Variants in PIK3C2G observed in about 807,000 individuals in gnomAD.
The protein encoded by PIK3C2G is phosphatidylinositol 3-kinase C2 domain-containing subunit gamma.
A neutral mutation model predicts 181.1 loss-of-function variants in PIK3C2G; 168 were observed. The ratio of observed to expected loss-of-function variants is 0.93; its 90% CI spans 0.82 to 1.05. PIK3C2G has a LOEUF of 1.05. PIK3C2G is among the 50% of genes least tolerant of loss of function. PIK3C2G has a pLI of 0.00. For synonymous variants in PIK3C2G, 573 were observed against 592.2 expected, an observed-to-expected ratio of 0.97 and a Z score of 0.47; for missense variants, 1,869 against 1,732.8, an observed-to-expected ratio of 1.08 and a Z score of -1.40.
intron 27 of PIK3C2G, among the ~76,000 whole-genome samples, chr12:18,563,151 A>C (rs1202512945): frequency 6.6e-6 from 1 of 152,198 alleles, no homozygotes; most frequent in Non-Finnish European, 1.5e-5. Flanking sequence ...TAAAATGTCC[A>C]CAAGAACAGC....
the PIK3C2G span, among the ~76,000 whole-genome samples, chr12:18,658,059 A>C: frequency 3.9e-5 from 6 of 152,168 alleles, no homozygotes; most frequent in Non-Finnish European, 5.9e-5. Context: ...GAAATGAAAA[A>C]TTCACAAAAG....
intron 31 of PIK3C2G, among the ~76,000 whole-genome samples, chr12:18,639,049 T>C (rs1166954108): frequency 6.6e-6 from 1 of 151,472 alleles, no homozygotes; most frequent in Non-Finnish European, 1.5e-5. Flanking sequence ...ATTTCAGTGC[T>C]CCCCCTCCTG....
chr12:18,633,538 G>T (rs1949451175), intron 31 of PIK3C2G, among the ~76,000 whole-genome samples: 1 of 152,172 alleles, frequency 6.6e-6, no homozygotes, highest in Admixed American at 6.5e-5. Context: ...GGCCGTTAGT[G>T]ATCCTGCCTG....
At chr12:18,552,436 A>C (rs1392520794) in intron 26 of PIK3C2G, among the ~76,000 whole-genome samples, 1 of 152,118 alleles carries the variant, frequency 6.6e-6, no homozygotes, top group African/African-American at 2.4e-5. Flanking sequence ...CTGTGGTTAC[A>C]ATTCCACAAA....
intron 16 of PIK3C2G, among the ~76,000 whole-genome samples, chr12:18,404,693 T>C (rs1310015386): frequency 2.0e-5 from 3 of 152,110 alleles, no homozygotes; most frequent in African/African-American, 4.8e-5. Context: ...TAGAAGAGAA[T>C]TGTATCAGGA....
intron 7 of PIK3C2G, among the ~76,000 whole-genome samples, chr12:18,323,968 C>G (rs954886149): frequency 6.6e-5 from 10 of 152,102 alleles, no homozygotes; most frequent in African/African-American, 1.4e-4. Context: ...CGCCTGTAAT[C>G]CCAGCACTTT....
chr12:18,675,331 A>T, the PIK3C2G span, among the ~76,000 whole-genome samples: 2 of 152,254 alleles, frequency 1.3e-5, no homozygotes, highest in East Asian at 3.9e-4. Flanking sequence ...AAAGTTTTAT[A>T]ACCATTATAG....
At chr12:18,364,022 G>A (rs1174880734) in intron 12 of PIK3C2G, among the ~76,000 whole-genome samples, 2 of 152,004 alleles carry the variant, frequency 1.3e-5, no homozygotes, top group Non-Finnish European at 2.9e-5. Context: ...AAATTTTTCA[G>A]TAGCTCTCCA....
chr12:18,335,972 C>A (rs1461556124), intron 8 of PIK3C2G, among the ~76,000 whole-genome samples: 1 of 151,890 alleles, frequency 6.6e-6, no homozygotes, highest in African/African-American at 2.4e-5. Context: ...TTTTCACAAA[C>A]CCATGTATCA....
At chr12:18,590,427 T>G (rs1159960234) in intron 29 of PIK3C2G, among the ~76,000 whole-genome samples, 1 of 151,928 alleles carries the variant, frequency 6.6e-6, no homozygotes, top group Non-Finnish European at 1.5e-5. Flanking sequence ...CCCTCTGTTT[T>G]TATTACTCTA....
At chr12:18,484,399 A>G (rs556082513) in intron 18 of PIK3C2G, among the ~76,000 whole-genome samples, 39 of 152,298 alleles carry the variant, frequency 2.6e-4, no homozygotes, top group Non-Finnish European at 4.3e-4. Context: ...CTCCTCTCAT[A>G]TATTTAAGTG....
In PIK3C2G at chr12:18,628,221, A is replaced by G. The variant is rs897201222; in HGVS notation, c.4183-12208A>G. 3.3e-5 allele frequency among the ~76,000 whole-genome samples: 5 copies of G among 152,162 alleles called. 1 individual carries two copies. The highest frequency in any genetic ancestry group is 7.4e-5 in the Non-Finnish European group (5 of 68,020). On this transcript the variant is annotated intron_variant, in intron 31 of 32. Transcript: ENST00000538779. ...AAATATAGTAAATAGTCATTATGTA[A>G]TAGCTATTATTATTGTTATTATTAC...
chr12:18,391,031 T>C, intron 14 of PIK3C2G, 91 bp from the exon 15 acceptor site: 1 of 845,944 alleles, frequency 1.2e-6, no homozygotes, highest in Admixed American at 3.6e-5. Flanking sequence ...ATTCTGTTCT[T>C]TAGTTTCTAT....
chr12:18,323,064 G>T (rs997699917), intron 7 of PIK3C2G, among the ~76,000 whole-genome samples: 1 of 152,100 alleles, frequency 6.6e-6, no homozygotes, highest in African/African-American at 2.4e-5. Context: ...TGCTACCTGG[G>T]GCACAGAGAG....
chr12:18,391,060 T>C lies in PIK3C2G; in HGVS notation c.1996-62T>C, dbSNP rs1943501692. 4 of 1,237,144 alleles carry C rather than the reference T, an allele frequency of 3.2e-6. No individual in the cohort carries two copies. The South Asian group carries it at 8.1e-5, about 25-fold the overall frequency. The allele number at this position is 1,237,144 out of a possible 1,614,324, so 76.6% of individuals were successfully genotyped here. ...TTTCTATAAATCTAAGATAGGAATA[T>C]TAAATCAATAATGTATTTTGAGACA... On this transcript the variant is annotated intron_variant, in intron 14 of 32. Coordinates refer to ENST00000538779, the MANE Select transcript of PIK3C2G (RefSeq NM_001288772.2).
chr12:18,594,510 G>A lies in PIK3C2G; in HGVS notation c.4028G>A (p.Ser1343Asn). 1 of 1,554,662 alleles carries A rather than the reference G, an allele frequency of 6.4e-7. No homozygotes were observed. The highest frequency in any genetic ancestry group is 8.6e-7 in the Non-Finnish European group (1 of 1,156,316). ...HEVTNSDCVL[S>N]FFLSEAVQQT... ...GTTTTTCAGAGTGATTGTGTACTTA[G>A]CTTTTTCCTCTCTGAGGCTGTGCAA... Residue 1343 changes from serine (S) to asparagine (N), a missense_variant, in exon 30 of 33, where the codon AGC becomes AAC. Transcript: ENST00000538779.
intron 16 of PIK3C2G, among the ~76,000 whole-genome samples, chr12:18,414,008 G>A (rs1433276708): frequency 1.3e-5 from 2 of 152,084 alleles, no homozygotes; most frequent in East Asian, 1.9e-4. Context: ...GAAATGCCAG[G>A]ATTTGTGGAA....
intron 18 of PIK3C2G, among the ~76,000 whole-genome samples, chr12:18,445,400 A>C (rs2135853076): frequency 6.7e-6 from 1 of 149,084 alleles, no homozygotes; most frequent in African/African-American, 2.5e-5. Context: ...TACTGCTTTC[A>C]CCTATCAGAT....
chr12:18,372,933 G>T (rs1277480054), intron 13 of PIK3C2G, among the ~76,000 whole-genome samples: 1 of 151,938 alleles, frequency 6.6e-6, no homozygotes, highest in Non-Finnish European at 1.5e-5. Flanking sequence ...TTTTTTAAGG[G>T]GATGCGTCAA....
Sources: allele counts gnomAD v4.1 joint callset (sites outside exome capture counted in the v4.1 genomes callset), GRCh38; gene constraint gnomAD v4.1.1; transcripts MANE v1.5; gene names NCBI Gene and HGNC (gene_info 2026-07-23, HGNC 2026-07-21).